Variants in MMEL1 observed in about 807,000 individuals in gnomAD.
MMEL1 encodes membrane metalloendopeptidase like 1.
Under a neutral mutation model 117.1 loss-of-function variants are expected in MMEL1, and 98 were observed. The ratio of observed to expected loss-of-function variants is 0.84; its 90% CI spans 0.71 to 0.99. The LOEUF is 0.99. Ranked by LOEUF, MMEL1 falls within the 50% of genes least tolerant of loss-of-function variation. MMEL1 has a pLI of 0.00. For synonymous variants in MMEL1, 390 were observed against 415.1 expected (o/e 0.94, Z 0.74); for missense variants, 1,014 against 1,049.1 (o/e 0.97, Z 0.46).
chr1:2,617,556 C>G lies in MMEL1; in HGVS notation c.155-5352G>C, dbSNP rs572675533. Among the ~76,000 whole-genome samples, 3 of 151,926 alleles carry G rather than the reference C, an allele frequency of 2.0e-5. No homozygotes were observed. In the East Asian group the frequency reaches 5.8e-4, roughly 29 times the overall value. ...TGGAGGTTGCAGTGAGCTGAGATTG[C>G]GCCACTGCACTCCAGCCTGGGCGAC... On this transcript the variant is annotated intron_variant, in intron 2 of 23. Coordinates refer to ENST00000378412, the MANE Select transcript of MMEL1 (RefSeq NM_033467.4).
rs865783075 is a variant in MMEL1, at chr1:2,612,543, C to T, written c.155-339G>A. On this transcript the variant is annotated intron_variant, in intron 2 of 23. Coordinates refer to ENST00000378412, the MANE Select transcript of MMEL1 (RefSeq NM_033467.4). This position sits in a 1 kb window ranked among gnomAD's most constrained non-coding sequence, Gnocchi z 5.4. The stretch of plus-strand genomic sequence containing the variant: ...AGACCTTCCTCTTCCCGACAGCCTC[C>T]TCTACCTCAGGATCTTCCTGACCCT... 9.2e-5 allele frequency among the ~76,000 whole-genome samples: 14 copies of T among 152,194 alleles called. No homozygotes were observed. Among genetic ancestry groups the T allele is most frequent in the South Asian group, 2.1e-4 (1 of 4,836 alleles).
At chr1:2,616,096 G>A (rs892380290) in intron 2 of MMEL1, among the ~76,000 whole-genome samples, 1 of 152,136 alleles carries the variant, frequency 6.6e-6, no homozygotes, top group Non-Finnish European at 1.5e-5. Context: ...AGCACTTTGC[G>A]AGGCTGAGGT....
chr1:2,594,380 C>G lies in MMEL1; in HGVS notation c.1747+5G>C. 6.4e-7 allele frequency: 1 copy of G among 1,551,852 alleles called. No individual in the cohort carries two copies. The highest frequency in any genetic ancestry group is 1.7e-4 in the Middle Eastern group (1 of 5,992). ...CTGGGCAGGCAGGGAGGGGGAGGAA[C>G]TTACCAATCTGGTTTCGGTTTGGGG... On this transcript the variant is annotated splice_donor_5th_base_variant and intron_variant, in intron 18 of 23. Coordinates refer to ENST00000378412, the MANE Select transcript of MMEL1 (RefSeq NM_033467.4).
intron 8 of MMEL1, 148 bp downstream of exon 8, chr1:2,606,100 C>T: frequency 1.5e-6 from 1 of 653,528 alleles, no homozygotes; most frequent in Non-Finnish European, 2.7e-6. Flanking sequence ...CGTTCCCGGG[C>T]CCACGGACGT....
At chr1:2,596,276 A>G (rs754465730) in intron 14 of MMEL1, among the ~76,000 whole-genome samples, 169 bp from the exon 15 acceptor site, 1 of 151,902 alleles carries the variant, frequency 6.6e-6, no homozygotes, top group Non-Finnish European at 1.5e-5. Context: ...TGAGATGACA[A>G]CCCAACTTCA....
At chr1:2,591,668 G>T in intron 22 of MMEL1, 35 bp from the exon 23 acceptor site, 1 of 1,548,144 alleles carries the variant, frequency 6.5e-7, no homozygotes, top group Non-Finnish European at 8.9e-7. Flanking sequence ...TACAGGTGGC[G>T]TGGTGGGGTG....
chr1:2,591,336 T>A (rs1644698218), intron 23 of MMEL1: 4 of 600,010 alleles, frequency 6.7e-6, no homozygotes, highest in Non-Finnish European at 8.9e-6. Flanking sequence ...ACAGAAACAT[T>A]CGCAGCCTGC....
intron 6 of MMEL1, 59 bp from the exon 7 acceptor site, chr1:2,607,128 C>A: frequency 1.3e-6 from 2 of 1,491,636 alleles, no homozygotes; most frequent in Non-Finnish European, 1.9e-6. Context: ...TGCCACGACA[C>A]AGAACTGTGG....
intron 2 of MMEL1, among the ~76,000 whole-genome samples, chr1:2,619,224 C>T (rs553892174): frequency 3.9e-5 from 6 of 152,188 alleles, no homozygotes; most frequent in Non-Finnish European, 5.9e-5. Flanking sequence ...CTGAGCCCAA[C>T]CTAGGTCAGA....
rs530858345 is a variant in MMEL1, at chr1:2,596,855, T to TGCG, written c.1273-169_1273-167dup. ...TCTCAGCCTCACCTCTGGGTGCTGC[T>TGCG]GCGGCGGGGGGAAGGATGGGCATGG... On this transcript the variant is annotated intron_variant, in intron 13 of 23. Coordinates refer to ENST00000378412, the MANE Select transcript of MMEL1 (RefSeq NM_033467.4). Among the ~76,000 whole-genome samples, 724 of 152,150 alleles carry TGCG rather than the reference T, an allele frequency of 4.8e-3. 5 individuals carry two copies. Among genetic ancestry groups the TGCG allele is most frequent in the Middle Eastern group, 0.01 (3 of 294 alleles).
intron 14 of MMEL1, 113 bp from the exon 15 acceptor site, chr1:2,596,220 G>A (rs1644836946): frequency 2.0e-6 from 2 of 1,011,174 alleles, no homozygotes; most frequent in Non-Finnish European, 3.0e-6. Flanking sequence ...GCCCAGGGCT[G>A]CCCAGCTGTG....
rs544246811 is a variant in MMEL1, at chr1:2,603,399, C to T, written c.1041+485G>A. Among the ~76,000 whole-genome samples, 20 of 152,304 alleles carry T rather than the reference C, an allele frequency of 1.3e-4. 1 individual carries two copies. Among genetic ancestry groups the T allele is most frequent in the African/African-American group, 4.3e-4 (18 of 41,574 alleles). On this transcript the variant is annotated intron_variant, in intron 11 of 23. Coordinates refer to ENST00000378412, the MANE Select transcript of MMEL1 (RefSeq NM_033467.4). The stretch of plus-strand genomic sequence containing the variant: ...CCCAGGCTGGGCTGCTCCTCTCCAG[C>T]CCCCACCTCAAAGCACAGGGCGGTG...
At chr1:2,610,357 C>T (rs1046640369) in intron 4 of MMEL1, among the ~76,000 whole-genome samples, 1 of 152,162 alleles carries the variant, frequency 6.6e-6, no homozygotes, top group South Asian at 2.1e-4. Flanking sequence ...ACCACTTGAT[C>T]TTGAACCCCA....
At position 2,592,900 on chromosome 1, in the gene MMEL1, C is replaced by T. The variant is rs777626669; in HGVS notation, c.1934G>A (p.Arg645Gln). ...WWSNFSTQHF[R>Q]EQSECMIYQY... is the part of the protein sequence containing the mutation. ...GTAGATCATGCACTCTGACTGCTCC[C>T]GGAAGTGCTGGGTGGAGAAGTTACT... Residue 645 changes from arginine to glutamine, a missense_variant, in exon 20 of 24, where the codon CGG becomes CAG. Arg to Gln is a conservative substitution (Grantham distance 43). Coordinates refer to ENST00000378412, the MANE Select transcript of MMEL1 (RefSeq NM_033467.4). 9.9e-6 allele frequency: 16 copies of T among 1,613,810 alleles called. No homozygotes were observed. Among genetic ancestry groups the T allele is most frequent in the East Asian group, 6.7e-5 (3 of 44,828 alleles).
rs925799492 is a variant in MMEL1 at position 2,605,977 on chromosome 1, C to A, written c.750+271G>T. Reference sequence around the variant, plus strand: ...TGGATCCCTGAGGTCAGGCCTCCTGCCCCGGTTCCAGCCCCGCTGTTCAGG... The same window carrying A: ...TGGATCCCTGAGGTCAGGCCTCCTGACCCGGTTCCAGCCCCGCTGTTCAGG... On this transcript the variant is annotated intron_variant, in intron 8 of 23. Transcript: ENST00000378412. Among the ~76,000 whole-genome samples the A allele has an allele frequency of 3.3e-5, 5 of 152,180 alleles. 1 individual carries two copies. The highest frequency in any genetic ancestry group is 3.3e-4 in the Admixed American group (5 of 15,284).
chr1:2,632,280 T>G (rs2100974576), intron 1 of MMEL1, among the ~76,000 whole-genome samples: 1 of 152,276 alleles, frequency 6.6e-6, no homozygotes. Context: ...CCTGGGAACG[T>G]CAGCTCCACG....
At chr1:2,598,551 A>G in intron 12 of MMEL1, 103 bp downstream of exon 12, 2 of 1,550,278 alleles carry the variant, frequency 1.3e-6, no homozygotes, top group Non-Finnish European at 1.7e-6. Flanking sequence ...CTCAGGGCAG[A>G]TGCTTCATAG....
chr1:2,594,553 C>CTGGGTGGTTGGGGAAGGACCT, intron 17 of MMEL1, 110 bp from the exon 18 acceptor site: 1 of 1,307,612 alleles, frequency 7.6e-7, no homozygotes, highest in Non-Finnish European at 1.1e-6. Flanking sequence ...GAGCAAGGGC[C>CTGGGTGGTTGGGGAAGGACCT]CAGGCCTATC....
At chr1:2,616,853 A>G (rs1344102859) in intron 2 of MMEL1, among the ~76,000 whole-genome samples, 1 of 152,236 alleles carries the variant, frequency 6.6e-6, no homozygotes, top group Non-Finnish European at 1.5e-5. Context: ...CTCCCACGGC[A>G]TTCCCAACAT....
Sources: gnomAD v4.1 joint callset for allele counts (sites outside exome capture counted in the v4.1 genomes callset) on GRCh38, gnomAD v4.1.1 for gene constraint, Gnocchi (gnomAD v3.1) non-coding constraint, MANE v1.5 for transcripts, NCBI Gene and HGNC (gene_info 2026-07-23, HGNC 2026-07-21) for gene names.